CCND3: variants seen among roughly 807,000 people sequenced by gnomAD.
CCND3 encodes G1/S-specific cyclin-D3.
A neutral mutation model predicts 28.7 loss-of-function variants in CCND3; 9 were observed. The ratio of observed to expected loss-of-function variants is 0.31; its 90% CI spans 0.19 to 0.55. The LOEUF (loss-of-function observed/expected upper bound fraction) is 0.55, where lower values mean the gene tolerates loss of function less well. Ranked by LOEUF, CCND3 falls within the 20% of genes least tolerant of loss-of-function variation. The pLI is 0.93. For missense variants in CCND3, 315 were observed against 385.8 expected (o/e 0.82, Z 1.54); for synonymous variants, 164 against 163.9 (o/e 1.00, Z 0.00).
chr6:42,034,468 CTTTTTTT>C (rs34822771), intron 1 of CCND3, among the ~76,000 whole-genome samples: 136 of 50,984 alleles, frequency 2.7e-3, no homozygotes, highest in African/African-American at 0.011. Flanking sequence ...CCCTGTCACT[CTTTTTTT>C]TTTTTTTTTT....
chr6:41,982,344 G>A (rs9367119), intron 1 of CCND3, among the ~76,000 whole-genome samples: 150,429 of 151,864 alleles, frequency 0.99, 74,515 homozygotes, highest in Middle Eastern at 1. Flanking sequence ...AATGAAAAAC[G>A]CATTACCATG....
At chr6:42,039,816 TG>T (rs1187114929) in intron 1 of CCND3, among the ~76,000 whole-genome samples, 1 of 152,250 alleles carries the variant, frequency 6.6e-6, no homozygotes, top group East Asian at 1.9e-4. Flanking sequence ...GTGGCAGGGC[TG>T]GGGCACCCTT....
At chr6:42,010,185 C>A (rs1050048804) in intron 1 of CCND3, among the ~76,000 whole-genome samples, 1 of 152,142 alleles carries the variant, frequency 6.6e-6, no homozygotes, top group East Asian at 1.9e-4. Flanking sequence ...AGTCAGTGAC[C>A]TAGGTAGTAC....
intron 1 of CCND3, among the ~76,000 whole-genome samples, chr6:41,965,586 A>C (rs1211353268): frequency 6.6e-6 from 1 of 152,172 alleles, no homozygotes; most frequent in Non-Finnish European, 1.5e-5. Context: ...AATGCAAGGA[A>C]CATCCACATT....
chr6:42,006,734 C>A (rs1381178840), intron 1 of CCND3, among the ~76,000 whole-genome samples: 2 of 151,876 alleles, frequency 1.3e-5, no homozygotes, highest in Non-Finnish European at 2.9e-5. Flanking sequence ...CGGTGAAACC[C>A]CATCTCTACT....
At chr6:41,958,056 G>T (rs1776484807) in intron 1 of CCND3, among the ~76,000 whole-genome samples, 2 of 136,320 alleles carry the variant, frequency 1.5e-5, no homozygotes, top group South Asian at 4.6e-4. Flanking sequence ...ACAGACCAGT[G>T]ATGCAATCTC....
chr6:41,945,913 G>A (rs1375274575), upstream of CCND3, among the ~76,000 whole-genome samples: 2 of 152,208 alleles, frequency 1.3e-5, no homozygotes, highest in Non-Finnish European at 2.9e-5. Context: ...TTCTCAAGGA[G>A]TACCCTTTCT....
At chr6:41,988,979 G>C (rs1336176559) in intron 1 of CCND3, among the ~76,000 whole-genome samples, 1 of 151,872 alleles carries the variant, frequency 6.6e-6, no homozygotes, top group Non-Finnish European at 1.5e-5. Context: ...GATTACAGGC[G>C]TGAGCCACCT....
intron 1 of CCND3, among the ~76,000 whole-genome samples, chr6:41,978,283 A>T (rs538516738): frequency 6.6e-6 from 1 of 151,738 alleles, no homozygotes; most frequent in South Asian, 2.1e-4. Flanking sequence ...CTGAGGCAGG[A>T]GGATGGCATG....
upstream of CCND3, among the ~76,000 whole-genome samples, chr6:41,943,328 A>C (rs1296016633): frequency 6.6e-6 from 1 of 152,218 alleles, no homozygotes; most frequent in East Asian, 1.9e-4. Flanking sequence ...TTATTTTTCT[A>C]ATCTTTGTTC....
intron 1 of CCND3, among the ~76,000 whole-genome samples, chr6:42,043,112 G>T (rs4236079): frequency 2.0e-5 from 3 of 152,096 alleles, no homozygotes; most frequent in Non-Finnish European, 4.4e-5. Flanking sequence ...GGGTGTCTCT[G>T]GCCAGGCACA....
chr6:42,011,192 A>G (rs1763337230), intron 1 of CCND3: 1 of 152,386 alleles, frequency 6.6e-6, no homozygotes, highest in Admixed American at 6.5e-5. Flanking sequence ...ATCACAGCTC[A>G]CTGCAGCCTC....
At chr6:42,003,315 C>T (rs1222688130) in intron 1 of CCND3, among the ~76,000 whole-genome samples, 1 of 150,738 alleles carries the variant, frequency 6.6e-6, no homozygotes, top group Non-Finnish European at 1.5e-5. Flanking sequence ...TACCTGAGGT[C>T]AGGAGTTTGA....
rs1430829817 is a variant in CCND3 at position 42,034,489 on chromosome 6, T to C, written c.-46+14012A>G. Among the ~76,000 whole-genome samples, 30 of 129,814 alleles carry C rather than the reference T, an allele frequency of 2.3e-4. 1 individual carries two copies. The highest frequency in any genetic ancestry group is 1.3e-3 in the Admixed American group (17 of 12,932). The allele number at this position is 129,814 out of a possible 152,430, so 85.2% of individuals were successfully genotyped here. A position where few individuals can be genotyped will look rare whatever the true frequency, so the allele number is the denominator to read the frequency against. On this transcript the variant is annotated intron_variant, in intron 1 of 4. Coordinates refer to the CCND3 transcript ENST00000372988. The stretch of plus-strand genomic sequence containing the variant: ...CACTCTTTTTTTTTTTTTTTTTTTT[T>C]TTTTTTTGAGATGGAGTCTTGCTCT...
intron 1 of CCND3, among the ~76,000 whole-genome samples, chr6:41,973,880 A>G (rs1334296508): frequency 2.0e-5 from 3 of 152,092 alleles, no homozygotes; most frequent in African/African-American, 7.2e-5. Flanking sequence ...CACATGTAAA[A>G]CCCTTAAAAC....
At chr6:41,937,090 T>C (rs1775826221) in intron 3 of CCND3, 145 bp downstream of exon 3, 2 of 853,524 alleles carry the variant, frequency 2.3e-6, no homozygotes, top group Middle Eastern at 2.6e-4. Flanking sequence ...ATAACCTGCT[T>C]TTCTGCATTG....
intron 1 of CCND3, among the ~76,000 whole-genome samples, chr6:42,027,162 G>C (rs1012527564): frequency 6.6e-6 from 1 of 152,188 alleles, no homozygotes; most frequent in Non-Finnish European, 1.5e-5. Context: ...CCACTAGGCC[G>C]GGCGCGGTGG....
intron 1 of CCND3, among the ~76,000 whole-genome samples, chr6:41,958,801 GA>G: frequency 6.6e-6 from 1 of 152,268 alleles, no homozygotes; most frequent in East Asian, 1.9e-4. Context: ...TTCACTCTCA[GA>G]AGCGTCTCAG....
At chr6:41,982,613 G>C (rs777572712) in intron 1 of CCND3, among the ~76,000 whole-genome samples, 4 of 152,142 alleles carry the variant, frequency 2.6e-5, no homozygotes, top group African/African-American at 2.4e-5. Flanking sequence ...AAAAGACCCA[G>C]AGTAGCCAAC....
Sources: gnomAD v4.1 joint callset for allele counts (sites outside exome capture counted in the v4.1 genomes callset) on GRCh38, gnomAD v4.1.1 for gene constraint, MANE v1.5 for transcripts, NCBI Gene and HGNC (gene_info 2026-07-23, HGNC 2026-07-21) for gene names.